The following SGCZ variants were observed in gnomAD, a reference collection of about 807,000 sequenced individuals.
SGCZ encodes zeta-sarcoglycan.
Under a neutral mutation model 41.3 loss-of-function variants are expected in SGCZ, and 40 were observed. The observed-to-expected ratio is 0.97, with a 90% CI of 0.75 to 1.26. The LOEUF is 1.26. Among genes scored for constraint, SGCZ ranks in the 50% most tolerant of loss-of-function variants. The probability of loss-of-function intolerance (pLI) is 0.00; values close to 1 mark genes in which losing one functional copy is unlikely to be tolerated. For synonymous variants in SGCZ, 206 were observed against 137.5 expected, an observed-to-expected ratio of 1.50 and a Z score of -3.49; for missense variants, 552 against 369.8, an observed-to-expected ratio of 1.49 and a Z score of -4.04.
intron 3 of SGCZ, among the ~76,000 whole-genome samples, chr8:14,242,644 C>A (rs956058292): frequency 1.3e-5 from 2 of 152,142 alleles, no homozygotes; most frequent in African/African-American, 4.8e-5. Context: ...CTCAATTTAA[C>A]TATAGTATTT....
At chr8:14,789,317 C>T (rs892201533) in intron 1 of SGCZ, among the ~76,000 whole-genome samples, 1 of 152,150 alleles carries the variant, frequency 6.6e-6, no homozygotes. Context: ...TCAACCTCAT[C>T]TGGGAATATG....
chr8:14,187,542 T>C (rs1009835055), intron 4 of SGCZ, among the ~76,000 whole-genome samples: 1 of 151,924 alleles, frequency 6.6e-6, no homozygotes, highest in Non-Finnish European at 1.5e-5. Context: ...ATGAATCAAA[T>C]GAAAATTCTG....
chr8:15,117,882 T>C (rs1354089281), intron 1 of SGCZ, among the ~76,000 whole-genome samples: 2 of 152,190 alleles, frequency 1.3e-5, no homozygotes, highest in Admixed American at 6.5e-5. Context: ...CAATATACAT[T>C]TACCCACTTA....
In SGCZ at chr8:14,273,985, TCTC is replaced by T. The variant is rs995157865; in HGVS notation, c.337-36309_337-36307del. On this transcript the variant is annotated intron_variant, in intron 3 of 7. Coordinates refer to ENST00000382080, the MANE Select transcript of SGCZ (RefSeq NM_139167.4). The stretch of plus-strand genomic sequence containing the variant: ...AAAAAGCAAACATTCAGACAAATGG[TCTC>T]CTTCCCTCCTGCTGGTATTTGTTAG... Among the ~76,000 whole-genome samples, 81 of 152,182 alleles carry T rather than the reference TCTC, an allele frequency of 5.3e-4. 1 individual carries two copies. The highest frequency in any genetic ancestry group is 1.9e-3 in the African/African-American group (80 of 41,538).
At chr8:14,871,983 C>T (rs777957826) in intron 1 of SGCZ, among the ~76,000 whole-genome samples, 2 of 151,348 alleles carry the variant, frequency 1.3e-5, no homozygotes, top group Admixed American at 6.6e-5. Context: ...GAACACTATG[C>T]AGCCATAAAA....
intron 1 of SGCZ, among the ~76,000 whole-genome samples, chr8:15,014,596 T>C (rs1394315041): frequency 6.6e-6 from 1 of 152,216 alleles, no homozygotes; most frequent in Non-Finnish European, 1.5e-5. Flanking sequence ...GCTGCCCATG[T>C]CTATGATCAG....
At chr8:14,867,078 T>C (rs923012912) in intron 1 of SGCZ, among the ~76,000 whole-genome samples, 1 of 152,160 alleles carries the variant, frequency 6.6e-6, no homozygotes, top group African/African-American at 2.4e-5. Flanking sequence ...AATGTCTAGG[T>C]CATTCACTAT....
At chr8:15,040,794 T>C (rs958492276) in intron 1 of SGCZ, among the ~76,000 whole-genome samples, 2 of 152,234 alleles carry the variant, frequency 1.3e-5, no homozygotes, top group African/African-American at 2.4e-5. Flanking sequence ...TGCACTTTTT[T>C]AAACATATCA....
intron 1 of SGCZ, among the ~76,000 whole-genome samples, chr8:14,563,900 T>A (rs1804280798): frequency 6.6e-6 from 1 of 152,146 alleles, no homozygotes; most frequent in African/African-American, 2.4e-5. Flanking sequence ...AATATTACAT[T>A]TAACAATTTA....
chr8:14,919,170 G>A (rs547841554), intron 1 of SGCZ, among the ~76,000 whole-genome samples: 8 of 152,278 alleles, frequency 5.3e-5, no homozygotes, highest in Admixed American at 2.6e-4. Flanking sequence ...CAGGCGAGGT[G>A]GCTCAAGCCT....
intron 2 of SGCZ, among the ~76,000 whole-genome samples, chr8:14,457,121 T>G (rs908083646): frequency 2.0e-5 from 3 of 152,206 alleles, no homozygotes; most frequent in Non-Finnish European, 4.4e-5. Flanking sequence ...TCAGATATGA[T>G]TATATATGAA....
chr8:15,046,306 G>C (rs922066768), intron 1 of SGCZ, among the ~76,000 whole-genome samples: 2 of 152,000 alleles, frequency 1.3e-5, no homozygotes, highest in Non-Finnish European at 2.9e-5. Flanking sequence ...ACAAATATTT[G>C]TATTAGCTAA....
At chr8:14,798,184 GA>G (rs776548376) in intron 1 of SGCZ, among the ~76,000 whole-genome samples, 14 of 152,250 alleles carry the variant, frequency 9.2e-5, no homozygotes, top group East Asian at 5.8e-4. Context: ...ATTATGTACA[GA>G]AATCGTTTTA....
chr8:14,885,985 TTATATATATATATATATATATATA>T lies in SGCZ; in HGVS notation c.40-331083_40-331060del, dbSNP rs71209089. Among the ~76,000 whole-genome samples, 117 of 55,984 alleles carry T rather than the reference TTATATATATATATATATATATATA, an allele frequency of 2.1e-3. 4 individuals carry two copies. The highest frequency in any genetic ancestry group is 6.3e-3 in the East Asian group (6 of 954). 36.7% of individuals were successfully genotyped at this position (55,984 alleles called of 152,430 possible). On this transcript the variant is annotated intron_variant, in intron 1 of 7. Coordinates refer to ENST00000382080, the MANE Select transcript of SGCZ (RefSeq NM_139167.4). ...TTTTTTAATCATAAAGGACTTTATG[TTATATATATATATATATATATATA>T]TATATATATATATATATATATATAT... is the stretch of plus-strand genomic sequence containing the variant.
chr8:14,780,065 G>A (rs1041185588), intron 1 of SGCZ, among the ~76,000 whole-genome samples: 1 of 151,960 alleles, frequency 6.6e-6, no homozygotes, highest in Non-Finnish European at 1.5e-5. Context: ...GACTACTGAA[G>A]AAGAGAAAAT....
At chr8:14,446,339 T>C (rs913000179) in intron 2 of SGCZ, among the ~76,000 whole-genome samples, 9 of 152,208 alleles carry the variant, frequency 5.9e-5, no homozygotes, top group Non-Finnish European at 8.8e-5. Context: ...CAGTGAGCTT[T>C]CTTTCAAAAC....
At chr8:15,169,184 C>A (rs1165622506) in intron 1 of SGCZ, among the ~76,000 whole-genome samples, 2 of 152,152 alleles carry the variant, frequency 1.3e-5, no homozygotes, top group African/African-American at 2.4e-5. Context: ...CGCCCCCTGT[C>A]AGCAAGAAGC....
intron 2 of SGCZ, among the ~76,000 whole-genome samples, chr8:14,434,820 T>C (rs545204317): frequency 6.6e-6 from 1 of 152,284 alleles, no homozygotes; most frequent in Non-Finnish European, 1.5e-5. Flanking sequence ...TCCCAGCTAC[T>C]ATGGAGCCTG....
At chr8:15,147,437 C>T (rs1393863665) in intron 1 of SGCZ, among the ~76,000 whole-genome samples, 1 of 152,132 alleles carries the variant, frequency 6.6e-6, no homozygotes, top group Non-Finnish European at 1.5e-5. Context: ...CACCACCATG[C>T]CCGGCTAATT....
Sources: allele counts gnomAD v4.1 joint callset (sites outside exome capture counted in the v4.1 genomes callset), GRCh38; gene constraint gnomAD v4.1.1; transcripts MANE v1.5; gene names NCBI Gene and HGNC (gene_info 2026-07-23, HGNC 2026-07-21).